ACAD10: variants seen among roughly 807,000 people sequenced by gnomAD.
The protein encoded by ACAD10 is ACAD-10.
ACAD10 carries 112 observed loss-of-function variants against 116.8 expected under a neutral mutation model. That is an observed-to-expected ratio of 0.96 (90% CI 0.82 to 1.12). The LOEUF is 1.12. Among genes scored for constraint, ACAD10 ranks in the 50% most tolerant of loss-of-function variants. The pLI, the probability that ACAD10 is intolerant of heterozygous loss-of-function variation, is 0.00. For missense variants in ACAD10, 1,259 were observed against 1,350.2 expected (o/e 0.93, Z 1.06); for synonymous variants, 486 against 510.6 (o/e 0.95, Z 0.65).
At chr12:111,752,074 AAGT>A (rs1307302834) in intron 18 of ACAD10, among the ~76,000 whole-genome samples, 1 of 150,396 alleles carries the variant, frequency 6.6e-6, no homozygotes, top group Non-Finnish European at 1.5e-5. Context: ...AAAAAAAAAA[AAGT>A]AGCCAGGTGT....
At chr12:111,747,596 C>T (rs924792518) in intron 16 of ACAD10, 9 of 1,383,740 alleles carry the variant, frequency 6.5e-6, no homozygotes, top group South Asian at 1.5e-5. Context: ...AGGGCAGGGA[C>T]GTCCCCCGGT....
At chr12:111,735,931 C>G (rs1055740244) in intron 11 of ACAD10, among the ~76,000 whole-genome samples, 1 of 150,954 alleles carries the variant, frequency 6.6e-6, no homozygotes, top group African/African-American at 2.4e-5. Context: ...CCAGGCTGGA[C>G]CACAGTGGCG....
intron 6 of ACAD10, among the ~76,000 whole-genome samples, chr12:111,713,401 G>A (rs547919333): frequency 5.4e-4 from 82 of 151,792 alleles, no homozygotes; most frequent in Non-Finnish European, 1.0e-3. Context: ...AAGGCAGGTG[G>A]ATAACTTGAG....
intron 6 of ACAD10, among the ~76,000 whole-genome samples, chr12:111,713,112 A>C (rs1418164235): frequency 6.6e-6 from 1 of 152,002 alleles, no homozygotes; most frequent in East Asian, 1.9e-4. Context: ...GGAGTTTGAG[A>C]CCAGCCTGGC....
chr12:111,739,739 C>T (rs1889675829), intron 12 of ACAD10, among the ~76,000 whole-genome samples: 1 of 151,258 alleles, frequency 6.6e-6, no homozygotes, highest in Non-Finnish European at 1.5e-5. Context: ...GCCTGGGCAA[C>T]AAAGTGAGAC....
chr12:111,745,301 G>T (rs544200876), intron 13 of ACAD10: 22 of 515,406 alleles, frequency 4.3e-5, no homozygotes, highest in Non-Finnish European at 6.1e-5. Flanking sequence ...GCCTTAGAAA[G>T]CCAGGGCAGG....
At chr12:111,728,447 C>T (rs1176620507) in intron 9 of ACAD10, among the ~76,000 whole-genome samples, 1 of 151,816 alleles carries the variant, frequency 6.6e-6, no homozygotes, top group Admixed American at 6.6e-5. Context: ...CTCACTAGAC[C>T]ATTTAAATTT....
chr12:111,712,251 T>C (rs537625341), intron 5 of ACAD10, among the ~76,000 whole-genome samples: 3 of 152,324 alleles, frequency 2.0e-5, no homozygotes, highest in East Asian at 1.9e-4. Context: ...ATTAAATTTA[T>C]GTTCAAGTGC....
chr12:111,699,126 A>ACCTCTG (rs769573780), intron 2 of ACAD10, among the ~76,000 whole-genome samples: 1 of 151,860 alleles, frequency 6.6e-6, no homozygotes, highest in Admixed American at 6.6e-5. Context: ...CAATCTGCCC[A>ACCTCTG]CCTCTGCCTC....
At chr12:111,750,381 AT>A in intron 18 of ACAD10, among the ~76,000 whole-genome samples, 1 of 152,014 alleles carries the variant, frequency 6.6e-6, no homozygotes, top group East Asian at 1.9e-4. Flanking sequence ...CAGCCTCCCA[AT>A]GTGCTGGGAT....
chr12:111,736,144 G>C (rs1889553915), intron 11 of ACAD10, among the ~76,000 whole-genome samples: 1 of 147,082 alleles, frequency 6.8e-6, no homozygotes, highest in Admixed American at 6.9e-5. Flanking sequence ...GCCTCCTAAA[G>C]TGCTGGGATT....
chr12:111,712,780 C>G, intron 6 of ACAD10, 123 bp downstream of exon 6: 1 of 1,111,794 alleles, frequency 9.0e-7, no homozygotes, highest in South Asian at 1.5e-5. Context: ...AGGAAAATAG[C>G]CATTGGGCCT....
rs750003016 is a variant in ACAD10, at chr12:111,748,325, G to A, written c.2494G>A (p.Asp832Asn). ...GHKWWITGILDPRCQLCVFMG... is the reference protein window; with the variant it reads ...GHKWWITGILNPRCQLCVFMG... ...CTCTCCTTTCCTGGCAGGCATCCTGGATCCTCGTTGCCAACTCTGTGTGTT... is the reference window on the plus strand; with the variant it reads ...CTCTCCTTTCCTGGCAGGCATCCTGAATCCTCGTTGCCAACTCTGTGTGTT... The change falls in exon 17 of 21, where the codon GAT (aspartate) becomes AAT (asparagine). Residue 832 changes from aspartate (D) to asparagine (N), a missense_variant. By Grantham distance (23) the Asp-to-Asn change is conservative. Coordinates refer to ENST00000313698, the MANE Select transcript of ACAD10 (RefSeq NM_025247.6). 4 of 1,613,994 alleles carry A rather than the reference G, an allele frequency of 2.5e-6. No homozygotes were observed. The African/African-American group carries it at 4.0e-5, about 16-fold the overall frequency.
At chr12:111,705,602 G>T in intron 3 of ACAD10, 136 bp from the exon 4 acceptor site, 1 of 754,394 alleles carries the variant, frequency 1.3e-6, no homozygotes, top group Non-Finnish European at 2.2e-6. Flanking sequence ...GTTCCTGCAG[G>T]CAGCAAGCTA....
chr12:111,728,065 A>G lies in ACAD10; in HGVS notation c.1165A>G (p.Thr389Ala). The stretch of plus-strand genomic sequence containing the variant: ...GCCCAGCCACAGACGAGCCATATAC[A>G]CTGCCATGAACACAGTCCTGTGCAA... ...LEPSHRRAIY[T>A]AMNTVLCKIH... The change falls in exon 9 of 21, where the codon ACT becomes GCT. Residue 389 changes from threonine to alanine, a missense_variant. Transcript: ENST00000313698. 4 of 1,614,078 alleles carry G rather than the reference A, an allele frequency of 2.5e-6. No individual in the cohort carries two copies. Among genetic ancestry groups the G allele is most frequent in the Non-Finnish European group, 3.4e-6 (4 of 1,179,984 alleles).
intron 7 of ACAD10, among the ~76,000 whole-genome samples, chr12:111,719,327 C>T (rs1488008452): frequency 6.6e-6 from 1 of 152,150 alleles, no homozygotes; most frequent in Non-Finnish European, 1.5e-5. Flanking sequence ...GATCTTGGCT[C>T]ACTGCAGTCT....
intron 4 of ACAD10, among the ~76,000 whole-genome samples, chr12:111,708,519 A>G (rs750759222): frequency 1.3e-5 from 2 of 152,068 alleles, no homozygotes; most frequent in Non-Finnish European, 2.9e-5. Context: ...GAGAAAGTAG[A>G]AAGGTCCAGT....
intron 17 of ACAD10, 29 bp downstream of exon 17, chr12:111,748,504 G>A: frequency 6.2e-7 from 1 of 1,611,314 alleles, no homozygotes; most frequent in Non-Finnish European, 8.5e-7. Flanking sequence ...GGTCACCCCT[G>A]GGTGTGGGTC....
rs370135813 is a variant in ACAD10 at position 111,721,782 on chromosome 12, G to A, written c.1061+43G>A. 80 of 1,527,926 alleles carry A rather than the reference G, an allele frequency of 5.2e-5. 1 individual carries two copies. The highest frequency in any genetic ancestry group is 5.2e-4 in the Middle Eastern group (3 of 5,774). The allele number at this position is 1,527,926 out of a possible 1,614,324, so 94.6% of individuals were successfully genotyped here. On this transcript the variant is annotated intron_variant, in intron 8 of 20. Transcript: ENST00000313698. ...TTGCTATTGCACTTTCAAGCTACAG[G>A]AGAGAAAAGCCCATATGCTAACACA...
Sources: allele counts gnomAD v4.1 joint callset (sites outside exome capture counted in the v4.1 genomes callset), GRCh38; gene constraint gnomAD v4.1.1; transcripts MANE v1.5; gene names NCBI Gene and HGNC (gene_info 2026-07-23, HGNC 2026-07-21).